WNT7B: variants seen among roughly 807,000 people sequenced by gnomAD.
WNT7B encodes Wnt family member 7B.
In WNT7B, 19 loss-of-function variants were observed where a neutral mutation model predicts 38.2. The observed-to-expected ratio is 0.50, with a 90% CI of 0.35 to 0.73. The LOEUF (loss-of-function observed/expected upper bound fraction) is 0.73, where lower values mean the gene tolerates loss of function less well. Ranked by LOEUF, WNT7B falls within the 30% of genes least tolerant of loss-of-function variation. The pLI, the probability that WNT7B is intolerant of heterozygous loss-of-function variation, is 0.01. For synonymous variants in WNT7B, 243 were observed against 209.3 expected (o/e 1.16, Z -1.39); for missense variants, 423 against 507.9 (o/e 0.83, Z 1.61).
intron 1 of WNT7B, chr22:45,954,608 C>T (rs1932018103): frequency 1.0e-6 from 1 of 985,298 alleles, no homozygotes; most frequent in Non-Finnish European, 1.2e-6. Context: ...CAGCCCCCTG[C>T]GTGCCCGTGC....
At chr22:45,972,062 C>T (rs1427259415) in intron 1 of WNT7B, 5 of 505,092 alleles carry the variant, frequency 9.9e-6, no homozygotes, top group Non-Finnish European at 1.7e-5. Flanking sequence ...CGCCCAGGGG[C>T]CTCGCTGCCG....
At chr22:45,954,676 T>C (rs1932019909) in intron 1 of WNT7B, 1 of 985,248 alleles carries the variant, frequency 1.0e-6, no homozygotes, top group Non-Finnish European at 1.2e-6. Context: ...CTGCACTGTA[T>C]TTTGTGCCAG....
chr22:45,926,926 C>T, intron 3 of WNT7B: 1 of 985,456 alleles, frequency 1.0e-6, no homozygotes, highest in Non-Finnish European at 1.2e-6. Context: ...TGTGGACCCT[C>T]AGTCAGGGAA....
At chr22:45,925,658 C>G (rs1931060493) in intron 3 of WNT7B, 4 of 985,406 alleles carry the variant, frequency 4.1e-6, no homozygotes, top group Non-Finnish European at 3.6e-6. Flanking sequence ...GCCCTTCCCT[C>G]CACTAACCTG....
chr22:45,969,324 G>A (rs546906988), intron 1 of WNT7B, among the ~76,000 whole-genome samples: 5 of 152,340 alleles, frequency 3.3e-5, no homozygotes, highest in South Asian at 4.1e-4. Flanking sequence ...TGGGGGGGTC[G>A]TCAGAGCCAA....
intron 1 of WNT7B, among the ~76,000 whole-genome samples, chr22:45,959,052 G>C (rs62226056): frequency 0.24 from 37,103 of 152,232 alleles, 4,605 homozygotes; most frequent in South Asian, 0.31. Flanking sequence ...ACGATATGCT[G>C]GGCCTGGTGC....
chr22:45,948,334 G>C (rs1931845726), intron 2 of WNT7B, among the ~76,000 whole-genome samples: 1 of 152,322 alleles, frequency 6.6e-6, no homozygotes, highest in South Asian at 2.1e-4. Context: ...CTGCACTTGG[G>C]TGGTGGGGCC....
chr22:45,924,033 C>T (rs566573507), intron 3 of WNT7B, among the ~76,000 whole-genome samples: 27 of 152,330 alleles, frequency 1.8e-4, no homozygotes, highest in African/African-American at 6.3e-4. Flanking sequence ...TCCATGGCCC[C>T]GGAAGGCTGA....
intron 1 of WNT7B, among the ~76,000 whole-genome samples, chr22:45,969,986 G>T (rs894741566): frequency 1.3e-5 from 2 of 152,182 alleles, no homozygotes; most frequent in South Asian, 4.1e-4. Flanking sequence ...TGCAGCCATC[G>T]GGTCAGAGAC....
intron 1 of WNT7B, among the ~76,000 whole-genome samples, chr22:45,956,565 ATC>A (rs1932067199): frequency 6.6e-6 from 1 of 152,196 alleles, no homozygotes; most frequent in African/African-American, 2.4e-5. Context: ...CAACCCAGCA[ATC>A]TCTCTCCTGT....
intron 3 of WNT7B, chr22:45,925,454 G>A: frequency 1.0e-6 from 1 of 985,302 alleles, no homozygotes; most frequent in Non-Finnish European, 1.2e-6. Flanking sequence ...TGAGAAGAGG[G>A]CGGGGCAGCT....
rs1039970868 is a variant in WNT7B at position 45,966,262 on chromosome 22, A to G, written c.71+10422T>C. 2.0e-5 allele frequency among the ~76,000 whole-genome samples: 3 copies of G among 152,130 alleles called. No individual in the cohort carries two copies. The highest frequency in any genetic ancestry group is 4.4e-5 in the Non-Finnish European group (3 of 68,016). ...GCAGTGCATTCTGGAGGACTTCCCA[A>G]TTGGAAGGGGCTTTGCCATCTGTCT... On this transcript the variant is annotated intron_variant, in intron 1 of 3. Transcript: ENST00000339464. The surrounding 1 kb of genome is among the most constrained non-coding windows in gnomAD (Gnocchi z 4.2).
chr22:45,972,894 G>A lies in WNT7B; in HGVS notation c.71+3790C>T, dbSNP rs143875503. 4.3e-4 allele frequency among the ~76,000 whole-genome samples: 65 copies of A among 152,380 alleles called. No individual in the cohort carries two copies. In the East Asian group the frequency reaches 0.012, roughly 28 times the overall value. On this transcript the variant is annotated intron_variant, in intron 1 of 3. Coordinates refer to ENST00000339464, the MANE Select transcript of WNT7B (RefSeq NM_058238.3). ...TGTGCCTGTGTGTGCCTGCGGGAGC[G>A]TGGGCAGTCTGTGAGGACAGGTGTG... is the stretch of plus-strand genomic sequence containing the variant.
chr22:45,923,255 C>G lies in WNT7B; in HGVS notation c.651G>C (p.Thr217=). The change falls in exon 4 of 4, where the codon ACG becomes ACC. Residue 217 remains threonine, a synonymous_variant. Transcript: ENST00000339464. The stretch of plus-strand genomic sequence containing the variant: ...GGCCCACCTCTCGGAACTTGGGCAG[C>G]GTGGTCCAGCAGGTTTTGGTGGTGC... The part of the protein sequence containing the change: ...GSCTTKTCWT[T]LPKFREVGHL... 6.2e-7 allele frequency: 1 copy of G among 1,613,608 alleles called. No individual in the cohort carries two copies. The highest frequency in any genetic ancestry group is 8.5e-7 in the Non-Finnish European group (1 of 1,180,008).
At position 45,922,600 on chromosome 22, in the gene WNT7B, C is replaced by G. The variant is rs969671387; in HGVS notation, c.*256G>C. On this transcript the variant is annotated 3_prime_UTR_variant, in exon 4 of 4. Transcript: ENST00000339464. ...CGGGCCCCGTCGGGGAGCACCAAGA[C>G]CCCTGGCCTTGCTCTCTGGGTGGGT... 36 of 556,760 alleles carry G rather than the reference C, an allele frequency of 6.5e-5. No individual in the cohort carries two copies. The highest frequency in any genetic ancestry group is 5.6e-4 in the African/African-American group (30 of 53,108). The allele number at this position is 556,760 out of a possible 1,614,324, so 34.5% of individuals were successfully genotyped here.
Position 45,951,675 on chromosome 22 carries a change from G to A in WNT7B, c.72-1529C>T, listed in dbSNP as rs924433699. Among the ~76,000 whole-genome samples the A allele has an allele frequency of 3.9e-5, 6 of 152,162 alleles. No individual in the cohort carries two copies. The highest frequency in any genetic ancestry group is 7.3e-5 in the Non-Finnish European group (5 of 68,050). The stretch of plus-strand genomic sequence containing the variant: ...TGGCGTCTGGCTTCTTTCACTTAGC[G>A]TCGTGTTTTCAAGGGTCATCCACGT... On this transcript the variant is annotated intron_variant, in intron 1 of 3. Transcript: ENST00000339464. This position sits in a 1 kb window ranked among gnomAD's most constrained non-coding sequence, Gnocchi z 4.8.
At chr22:45,949,710 C>T (rs537190793) in intron 2 of WNT7B, among the ~76,000 whole-genome samples, 1 of 152,398 alleles carries the variant, frequency 6.6e-6, no homozygotes, top group East Asian at 1.9e-4. Flanking sequence ...TGCACACAGC[C>T]TGGCTCCCAT....
intron 2 of WNT7B, among the ~76,000 whole-genome samples, chr22:45,946,520 C>T (rs978715620): frequency 4.6e-5 from 7 of 152,198 alleles, no homozygotes; most frequent in African/African-American, 1.7e-4. Flanking sequence ...CGGCTGGGGA[C>T]AGTCACCTCT....
chr22:45,949,865 G>C, intron 2 of WNT7B, 55 bp downstream of exon 2: 1 of 1,544,426 alleles, frequency 6.5e-7, no homozygotes, highest in South Asian at 1.2e-5. Context: ...GGGTGGCCTG[G>C]CCTACTGCCC....
Sources: gnomAD v4.1 joint callset for allele counts (sites outside exome capture counted in the v4.1 genomes callset) on GRCh38, gnomAD v4.1.1 for gene constraint, Gnocchi (gnomAD v3.1) non-coding constraint, MANE v1.5 for transcripts, NCBI Gene and HGNC (gene_info 2026-07-23, HGNC 2026-07-21) for gene names.